The following KCNMB3 variants were observed in gnomAD, a reference collection of about 807,000 sequenced individuals.
KCNMB3 encodes the protein potassium calcium-activated channel subfamily M regulatory beta subunit 3, also known as calcium-activated potassium channel subunit beta-3.
KCNMB3 carries 18 observed loss-of-function variants against 11.9 expected under a neutral mutation model. That is an observed-to-expected ratio of 1.51 (90% confidence interval 1.04 to 2.23). The LOEUF (loss-of-function observed/expected upper bound fraction) is 2.23. Among genes scored for constraint, KCNMB3 ranks in the 30% most tolerant of loss-of-function variants. The pLI, the probability that KCNMB3 is intolerant of heterozygous loss-of-function variation, is 0.00. For missense variants in KCNMB3, 247 were observed against 329.4 expected, an observed-to-expected ratio of 0.75 and a Z score of 1.94; for synonymous variants, 78 against 119.2, an observed-to-expected ratio of 0.65 and a Z score of 2.25.
At chr3:179,254,425 T>C (rs776065937), upstream of KCNMB3, among the ~76,000 whole-genome samples, 17 of 152,238 alleles carry the variant, frequency 1.1e-4, no homozygotes, top group Admixed American at 3.3e-4. Flanking sequence ...GAATTTCGTG[T>C]AATGTTGTTT....
intron 1 of KCNMB3, among the ~76,000 whole-genome samples, chr3:179,263,471 TG>T (rs1448443608): frequency 6.6e-6 from 1 of 152,156 alleles, no homozygotes; most frequent in Non-Finnish European, 1.5e-5. Context: ...GCGGCCAGAG[TG>T]GGCGCCAAGG....
upstream of KCNMB3, chr3:179,267,037 C>T: frequency 1.5e-6 from 1 of 668,424 alleles, no homozygotes; most frequent in Non-Finnish European, 2.0e-6. Context: ...GTTTCCGCCT[C>T]GGCAGCCGGG....
chr3:179,242,580 ATTGT>A (rs1725490958), downstream of KCNMB3: 2 of 204,256 alleles, frequency 9.8e-6, no homozygotes, highest in Admixed American at 1.1e-4. Flanking sequence ...AGATACCCTC[ATTGT>A]TTATTTCCAT....
chr3:179,246,317 C>T (rs1360969446), intron 1 of KCNMB3, among the ~76,000 whole-genome samples: 3 of 151,928 alleles, frequency 2.0e-5, no homozygotes, highest in Non-Finnish European at 2.9e-5. Context: ...GAGGCTGAGG[C>T]AGGAGAATTG....
At chr3:179,243,329 T>C in intron 2 of KCNMB3, 45 bp from the exon 3 acceptor site, 3 of 1,521,736 alleles carry the variant, frequency 2.0e-6, no homozygotes, top group Non-Finnish European at 2.7e-6. Flanking sequence ...CTGTCACCAA[T>C]ACCAAATACT....
chr3:179,250,596 C>T, intron 1 of KCNMB3, 147 bp downstream of exon 1: 1 of 825,732 alleles, frequency 1.2e-6, no homozygotes, highest in Admixed American at 2.5e-5. Context: ...CCAGCACTGA[C>T]AGCGGAAGAG....
At chr3:179,257,995 C>G (rs1245051098) in intron 1 of KCNMB3, among the ~76,000 whole-genome samples, 4 of 152,178 alleles carry the variant, frequency 2.6e-5, no homozygotes, top group African/African-American at 9.7e-5. Context: ...AGCGATTCTC[C>G]TGCCTCAGCC....
intron 1 of KCNMB3, among the ~76,000 whole-genome samples, chr3:179,258,547 TA>T (rs1309848025): frequency 2.0e-5 from 3 of 152,222 alleles, no homozygotes; most frequent in Non-Finnish European, 4.4e-5. Context: ...TTATAATGTA[TA>T]TTTTAAAATC....
At chr3:179,252,276 C>A (rs1363502305), upstream of KCNMB3, among the ~76,000 whole-genome samples, 1 of 152,110 alleles carries the variant, frequency 6.6e-6, no homozygotes, top group Non-Finnish European at 1.5e-5. Flanking sequence ...CCAGAAGTAT[C>A]TCCATTTTAA....
At chr3:179,247,155 G>T in intron 1 of KCNMB3, among the ~76,000 whole-genome samples, 1 of 152,078 alleles carries the variant, frequency 6.6e-6, no homozygotes, top group East Asian at 1.9e-4. Flanking sequence ...TAATTTCCAG[G>T]AATGCTTAGA....
At chr3:179,248,166 T>C (rs1362732190) in intron 1 of KCNMB3, among the ~76,000 whole-genome samples, 1 of 152,170 alleles carries the variant, frequency 6.6e-6, no homozygotes, top group Non-Finnish European at 1.5e-5. Context: ...ACAGGCATAT[T>C]ATTTACCGGC....
chr3:179,263,493 G>A (rs149763097), intron 1 of KCNMB3, among the ~76,000 whole-genome samples: 20 of 152,064 alleles, frequency 1.3e-4, no homozygotes, highest in Middle Eastern at 6.8e-3. Context: ...CCGAGGAGGC[G>A]CGGAGAGCGA....
intron 1 of KCNMB3, chr3:179,260,415 C>A: frequency 6.8e-6 from 11 of 1,613,732 alleles, no homozygotes; most frequent in Non-Finnish European, 9.3e-6. Flanking sequence ...GGTATTCTCA[C>A]CAGCAGTGAA....
At chr3:179,244,843 G>T in intron 1 of KCNMB3, 150 bp from the exon 2 acceptor site, 1 of 695,316 alleles carries the variant, frequency 1.4e-6, no homozygotes, top group Non-Finnish European at 2.4e-6. Context: ...CCTTACAGCA[G>T]GCACATAATA....
intron 1 of KCNMB3, among the ~76,000 whole-genome samples, chr3:179,257,868 T>G (rs1318597664): frequency 1.3e-5 from 1 of 75,442 alleles, no homozygotes; most frequent in South Asian, 7.7e-4. Flanking sequence ...ATGAAAACAT[T>G]GTTTTGTGTG....
chr3:179,255,116 G>C (rs576952490), upstream of KCNMB3, among the ~76,000 whole-genome samples: 1 of 151,766 alleles, frequency 6.6e-6, no homozygotes, highest in Non-Finnish European at 1.5e-5. Context: ...AGTGAGCTGA[G>C]ATCGTGCCAC....
chr3:179,250,684 C>A (rs952225575), intron 1 of KCNMB3, 59 bp downstream of exon 1: 7 of 1,548,130 alleles, frequency 4.5e-6, no homozygotes, highest in South Asian at 1.2e-5. Context: ...CCTCCTTTAC[C>A]GCTGTGCCTG....
At chr3:179,240,006 T>C (rs1427818504), downstream of KCNMB3, 9 of 1,546,108 alleles carry the variant, frequency 5.8e-6, no homozygotes, top group African/African-American at 1.4e-5. Context: ...TTACTGTTTA[T>C]GCTCATCAGA....
chr3:179,264,354 T>C (rs772103008), intron 1 of KCNMB3, among the ~76,000 whole-genome samples: 1 of 152,188 alleles, frequency 6.6e-6, no homozygotes, highest in African/African-American at 2.4e-5. Context: ...AACTTTGTTG[T>C]ATTTACAAGC....
Sources: allele counts gnomAD v4.1 joint callset (sites outside exome capture counted in the v4.1 genomes callset), GRCh38; gene constraint gnomAD v4.1.1; transcripts MANE v1.5; gene names NCBI Gene and HGNC (gene_info 2026-07-23, HGNC 2026-07-21).